RABGAP1L: variants seen among roughly 807,000 people sequenced by gnomAD.
The protein encoded by RABGAP1L is rab GTPase-activating protein 1-like.
A neutral mutation model predicts 137.7 loss-of-function variants in RABGAP1L; 63 were observed. That is an observed-to-expected ratio of 0.46 (90% CI 0.37 to 0.56). The LOEUF (loss-of-function observed/expected upper bound fraction) is 0.56, where lower values mean the gene tolerates loss of function less well. Ranked by LOEUF, RABGAP1L falls within the 20% of genes least tolerant of loss-of-function variation. The pLI is 0.00. For missense variants in RABGAP1L, 1,095 were observed against 1,244.0 expected (o/e 0.88, Z 1.80); for synonymous variants, 431 against 433.7 (o/e 0.99, Z 0.08).
chr1:174,656,614 C>G (rs1675991364), intron 14 of RABGAP1L, among the ~76,000 whole-genome samples: 1 of 152,216 alleles, frequency 6.6e-6, no homozygotes, highest in Admixed American at 6.5e-5. Flanking sequence ...ATTACCCCTG[C>G]CCTCAGCCCT....
chr1:174,536,200 G>A (rs1181281233), intron 13 of RABGAP1L, among the ~76,000 whole-genome samples: 2 of 150,744 alleles, frequency 1.3e-5, no homozygotes, highest in Admixed American at 1.3e-4. Flanking sequence ...CCAGTGTCAG[G>A]GGAAAAAAAA....
chr1:174,420,762 C>T (rs921881932), intron 13 of RABGAP1L, among the ~76,000 whole-genome samples: 12 of 151,488 alleles, frequency 7.9e-5, no homozygotes, highest in African/African-American at 1.7e-4. Context: ...GCAAGCTCCA[C>T]CTCCTGGGTT....
At chr1:174,480,922 A>G (rs961371436) in intron 13 of RABGAP1L, among the ~76,000 whole-genome samples, 3 of 152,160 alleles carry the variant, frequency 2.0e-5, no homozygotes, top group African/African-American at 7.2e-5. Flanking sequence ...TAGTATTCAT[A>G]CCTCTCAAAA....
At chr1:174,402,544 C>A (rs1051449618) in intron 13 of RABGAP1L, among the ~76,000 whole-genome samples, 6 of 152,146 alleles carry the variant, frequency 3.9e-5, no homozygotes, top group Non-Finnish European at 5.9e-5. Flanking sequence ...AGCCTTCAAC[C>A]ATTGTCTGTT....
chr1:174,433,393 A>G (rs1297687024), intron 13 of RABGAP1L, among the ~76,000 whole-genome samples: 2 of 152,220 alleles, frequency 1.3e-5, no homozygotes, highest in Non-Finnish European at 2.9e-5. Flanking sequence ...TTTTAAACAC[A>G]TATTTTGTGT....
At chr1:174,650,378 T>C (rs2148386973) in intron 14 of RABGAP1L, among the ~76,000 whole-genome samples, 1 of 152,314 alleles carries the variant, frequency 6.6e-6, no homozygotes. Flanking sequence ...TCCGTCTTTT[T>C]CTATTGATTG....
chr1:174,605,452 C>T (rs542275119), intron 13 of RABGAP1L, among the ~76,000 whole-genome samples: 44 of 152,274 alleles, frequency 2.9e-4, no homozygotes, highest in African/African-American at 1.1e-3. Flanking sequence ...ACTTCCTCCT[C>T]CTGGTAGCTA....
In RABGAP1L at chr1:174,858,530, A is replaced by G. The variant is rs545764426; in HGVS notation, c.2340+46570A>G. On this transcript the variant is annotated intron_variant, in intron 19 of 25. Transcript: ENST00000681986. ...AACAAAGAGTCAGCCATTCCAAAAC[A>G]CTAATAGTGCCAAGATTGAAAAACT... Among the ~76,000 whole-genome samples the G allele has an allele frequency of 1.4e-3, 210 of 152,290 alleles. 1 individual carries two copies. Among genetic ancestry groups the G allele is most frequent in the African/African-American group, 4.8e-3 (198 of 41,548 alleles).
intron 13 of RABGAP1L, among the ~76,000 whole-genome samples, chr1:174,629,459 A>C (rs1425187734): frequency 6.6e-6 from 1 of 152,214 alleles, no homozygotes; most frequent in Non-Finnish European, 1.5e-5. Context: ...AAATGAGAGC[A>C]CTGTATAAGA....
At chr1:174,475,047 T>C (rs1363628471) in intron 13 of RABGAP1L, among the ~76,000 whole-genome samples, 2 of 152,054 alleles carry the variant, frequency 1.3e-5, no homozygotes, top group Admixed American at 1.3e-4. Flanking sequence ...TTAATAAATA[T>C]CATTTATTAA....
At chr1:174,515,827 A>T (rs1049821740) in intron 13 of RABGAP1L, among the ~76,000 whole-genome samples, 3 of 152,010 alleles carry the variant, frequency 2.0e-5, no homozygotes, top group African/African-American at 7.3e-5. Context: ...TAAAGGCATA[A>T]CTCTGGAAAT....
chr1:174,620,444 A>G (rs571944773), intron 13 of RABGAP1L, among the ~76,000 whole-genome samples: 3 of 152,374 alleles, frequency 2.0e-5, no homozygotes, highest in African/African-American at 7.2e-5. Context: ...CTCTCAGACC[A>G]CAGTGCAATC....
intron 13 of RABGAP1L, among the ~76,000 whole-genome samples, chr1:174,624,962 C>A (rs1056607107): frequency 2.0e-5 from 3 of 151,736 alleles, no homozygotes; most frequent in African/African-American, 7.3e-5. Flanking sequence ...CCTCCGCCCC[C>A]CTGAGTTCAA....
In RABGAP1L at chr1:174,602,116, C is replaced by A. The variant is rs1050682567; in HGVS notation, c.1711-35259C>A. On this transcript the variant is annotated intron_variant, in intron 13 of 25. Coordinates refer to ENST00000681986, the MANE Select transcript of RABGAP1L (RefSeq NM_001366446.1). ...CTGTTACCCAGTTCCAAAGTCACTT[C>A]CATATTTTCGGGTATCTTTTCGTCA... 2.6e-5 allele frequency among the ~76,000 whole-genome samples: 4 copies of A among 152,148 alleles called. No individual in the cohort carries two copies. The East Asian group carries it at 7.7e-4, about 29-fold the overall frequency.
At chr1:174,399,855 T>G (rs1459094288) in intron 13 of RABGAP1L, among the ~76,000 whole-genome samples, 1 of 152,144 alleles carries the variant, frequency 6.6e-6, no homozygotes, top group Non-Finnish European at 1.5e-5. Flanking sequence ...CCCCCATGAT[T>G]CGGTTATCTC....
intron 10 of RABGAP1L, among the ~76,000 whole-genome samples, chr1:174,301,096 CTG>C (rs1308781502): frequency 6.6e-6 from 1 of 152,030 alleles, no homozygotes; most frequent in Non-Finnish European, 1.5e-5. Flanking sequence ...GCCACTGTGA[CTG>C]TGTATTCAAC....
At chr1:174,167,006 C>T (rs1225262698) in intron 1 of RABGAP1L, among the ~76,000 whole-genome samples, 2 of 152,168 alleles carry the variant, frequency 1.3e-5, no homozygotes, top group Admixed American at 6.5e-5. Context: ...CATTGCCACA[C>T]GATTTTCTTC....
In RABGAP1L at chr1:174,184,028, G is replaced by A. The variant is rs1156537114; in HGVS notation, c.-34+24371G>A. ...CTACAGGCACCCACCACCATGCCCG[G>A]CTAATTTTTTGTTTTTTTTTAGTAG... On this transcript the variant is annotated intron_variant, in intron 1 of 25. Transcript: ENST00000681986. Among the ~76,000 whole-genome samples the A allele has an allele frequency of 1.2e-4, 17 of 139,794 alleles. No individual in the cohort carries two copies. The South Asian group carries it at 2.9e-3, about 24-fold the overall frequency. The allele number at this position is 139,794 out of a possible 152,430, so 91.7% of individuals were successfully genotyped here.
intron 19 of RABGAP1L, among the ~76,000 whole-genome samples, chr1:174,947,338 T>C (rs1482886365): frequency 6.6e-6 from 1 of 151,722 alleles, no homozygotes; most frequent in African/African-American, 2.4e-5. Context: ...TCCACCTGCC[T>C]CAGCCTCCCA....
Sources: allele counts gnomAD v4.1 joint callset (sites outside exome capture counted in the v4.1 genomes callset), GRCh38; gene constraint gnomAD v4.1.1; transcripts MANE v1.5; gene names NCBI Gene and HGNC (gene_info 2026-07-23, HGNC 2026-07-21).